The following UBE2E1 variants were observed in gnomAD, a reference collection of about 807,000 sequenced individuals.
The protein encoded by UBE2E1 is ubiquitin-conjugating enzyme E2 E1.
UBE2E1 carries 6 observed loss-of-function variants against 21.4 expected under a neutral mutation model. The ratio of observed to expected loss-of-function variants is 0.28; its 90% confidence interval spans 0.15 to 0.55. UBE2E1 has a LOEUF of 0.55. UBE2E1 is among the 20% of genes least tolerant of loss of function. UBE2E1 has a pLI of 0.93. For synonymous variants in UBE2E1, 87 were observed against 82.7 expected (o/e 1.05, Z -0.28); for missense variants, 142 against 236.5 (o/e 0.60, Z 2.62).
At chr3:23,879,043 G>T (rs536001545) in intron 3 of UBE2E1, 2 of 504,074 alleles carry the variant, frequency 4.0e-6, no homozygotes, top group African/African-American at 2.0e-5. Context: ...GATGAGCTCA[G>T]TTCACCCCTT....
At chr3:23,882,680 C>T (rs1701078080) in intron 3 of UBE2E1, among the ~76,000 whole-genome samples, 1 of 152,052 alleles carries the variant, frequency 6.6e-6, no homozygotes, top group African/African-American at 2.4e-5. Flanking sequence ...AGCCCTGCCC[C>T]ACGGGGAGGC....
In UBE2E1 at chr3:23,875,579, G is replaced by T. The variant is rs546719917; in HGVS notation, c.204-11988G>T. On this transcript the variant is annotated intron_variant, in intron 3 of 5. Transcript: ENST00000306627. ...GAAGTTTATCTACTTTATGCTAGAGGAAGACAGTAGGCACCATTTCCTCAG... is the reference window on the plus strand; with the variant it reads ...GAAGTTTATCTACTTTATGCTAGAGTAAGACAGTAGGCACCATTTCCTCAG... 3.2e-4 allele frequency among the ~76,000 whole-genome samples: 49 copies of T among 152,314 alleles called. 1 individual carries two copies. The South Asian group carries it at 6.8e-3, about 21-fold the overall frequency.
In UBE2E1 at chr3:23,887,614, T is replaced by C; in HGVS notation, c.251T>C (p.Leu84Pro). The stretch of plus-strand genomic sequence containing the variant: ...ATCTATGAATGGAGATCAACCATTC[T>C]AGGGCCTCCAGGATCCGTGTATGAG... The part of the protein sequence containing the change: ...DNIYEWRSTI[L>P]GPPGSVYEGG... Residue 84 changes from leucine (L) to proline (P), a missense_variant, in exon 4 of 6, where the codon CTA becomes CCA. By Grantham distance (98) the Leu-to-Pro change is moderately conservative (BLOSUM62 -3). Coordinates refer to ENST00000306627, the MANE Select transcript of UBE2E1 (RefSeq NM_003341.5). This position sits in a 1 kb window ranked among gnomAD's most constrained non-coding sequence, Gnocchi z 4.4. 1 of 1,614,056 alleles carries C rather than the reference T, an allele frequency of 6.2e-7. No individual in the cohort carries two copies.
intron 3 of UBE2E1, among the ~76,000 whole-genome samples, chr3:23,877,930 A>G (rs184974864): frequency 5.0e-4 from 76 of 152,264 alleles, no homozygotes; most frequent in Non-Finnish European, 8.1e-4. Context: ...GTTGATCCCA[A>G]GCCTCTGCCC....
rs556198749 is a variant in UBE2E1, at chr3:23,882,564, G to A, written c.204-5003G>A. ...CAACCCTTGGGCAGGCGATGGGACC[G>A]GGAGCCGCGGAGCAGGGGGTGGTCC... On this transcript the variant is annotated intron_variant, in intron 3 of 5. Coordinates refer to ENST00000306627, the MANE Select transcript of UBE2E1 (RefSeq NM_003341.5). 2.2e-4 allele frequency among the ~76,000 whole-genome samples: 34 copies of A among 152,370 alleles called. No individual in the cohort carries two copies. In the South Asian group the frequency reaches 4.1e-3, roughly 19 times the overall value.
intron 3 of UBE2E1, among the ~76,000 whole-genome samples, chr3:23,872,544 C>G (rs1445188617): frequency 6.6e-6 from 1 of 152,104 alleles, no homozygotes; most frequent in African/African-American, 2.4e-5. Flanking sequence ...GGTTTCAGGA[C>G]CCCATTACAC....
chr3:23,809,187 T>C (rs1699336952), intron 2 of UBE2E1, among the ~76,000 whole-genome samples: 1 of 152,240 alleles, frequency 6.6e-6, no homozygotes, highest in African/African-American at 2.4e-5. Flanking sequence ...GCAATGAATT[T>C]AGCTCCTTGA....
At chr3:23,866,828 C>T (rs893432912) in intron 3 of UBE2E1, among the ~76,000 whole-genome samples, 2 of 152,164 alleles carry the variant, frequency 1.3e-5, no homozygotes, top group Non-Finnish European at 2.9e-5. Flanking sequence ...CTTATTTAAT[C>T]CTGGCTTCCA....
rs546765163 is a variant in UBE2E1 at position 23,839,659 on chromosome 3, A to G, written c.203+28149A>G. On this transcript the variant is annotated intron_variant, in intron 3 of 5. Coordinates refer to ENST00000306627, the MANE Select transcript of UBE2E1 (RefSeq NM_003341.5). Reference sequence around the variant, plus strand: ...CTGGTGACAAATTCTTTGTTTTATTATGTCTGAAAAAAATCTTTGTCTTTT... The same window carrying G: ...CTGGTGACAAATTCTTTGTTTTATTGTGTCTGAAAAAAATCTTTGTCTTTT... 1.4e-4 allele frequency among the ~76,000 whole-genome samples: 21 copies of G among 151,598 alleles called. No homozygotes were observed. In the East Asian group the frequency reaches 3.1e-3, roughly 22 times the overall value.
intron 3 of UBE2E1, among the ~76,000 whole-genome samples, chr3:23,884,878 T>TA (rs1701142790): frequency 6.6e-6 from 1 of 152,216 alleles, no homozygotes; most frequent in Non-Finnish European, 1.5e-5. Context: ...ATAAACTAGA[T>TA]AAAAGAGCAT....
intron 3 of UBE2E1, among the ~76,000 whole-genome samples, chr3:23,862,262 C>T (rs1162638108): frequency 1.3e-5 from 2 of 152,222 alleles, no homozygotes; most frequent in Admixed American, 1.3e-4. Context: ...GCTCTGGTCT[C>T]ATTTAATCTT....
chr3:23,847,302 A>G (rs531586193), intron 3 of UBE2E1, among the ~76,000 whole-genome samples: 2 of 152,290 alleles, frequency 1.3e-5, no homozygotes, highest in African/African-American at 4.8e-5. Context: ...GAAGACATCC[A>G]TTAATGTCAT....
chr3:23,834,810 T>A (rs777426510), intron 3 of UBE2E1, among the ~76,000 whole-genome samples: 1 of 152,314 alleles, frequency 6.6e-6, no homozygotes, highest in Non-Finnish European at 1.5e-5. Flanking sequence ...TTGGCTGATG[T>A]TTTTTCTTAC....
chr3:23,817,279 G>A lies in UBE2E1; in HGVS notation c.203+5769G>A, dbSNP rs111444963. Among the ~76,000 whole-genome samples, 563 of 152,046 alleles carry A rather than the reference G, an allele frequency of 3.7e-3. 11 individuals carry two copies. In the East Asian group the frequency reaches 0.044, roughly 12 times the overall value. On this transcript the variant is annotated intron_variant, in intron 3 of 5. Transcript: ENST00000306627. ...CCAACTAAAAATACAAAAATTAGCC[G>A]GGCGTGGTGACGCGCGCCCGTAATC...
At chr3:23,843,155 G>C (rs776396225) in intron 3 of UBE2E1, among the ~76,000 whole-genome samples, 13 of 150,614 alleles carry the variant, frequency 8.6e-5, no homozygotes, top group South Asian at 2.1e-4. Flanking sequence ...GAAGCCATCT[G>C]TCCCCCCAGA....
At chr3:23,868,213 T>C (rs1316591259) in intron 3 of UBE2E1, among the ~76,000 whole-genome samples, 2 of 152,216 alleles carry the variant, frequency 1.3e-5, no homozygotes, top group Non-Finnish European at 2.9e-5. Flanking sequence ...CCAGACTTAG[T>C]ATCCCCCCCA....
At position 23,810,176 on chromosome 3, in the gene UBE2E1, C is replaced by G. The variant is rs550799523; in HGVS notation, c.153-1284C>G. Among the ~76,000 whole-genome samples, 5 of 152,086 alleles carry G rather than the reference C, an allele frequency of 3.3e-5. No homozygotes were observed. Among genetic ancestry groups the G allele is most frequent in the Non-Finnish European group, 7.4e-5 (5 of 68,024 alleles). On this transcript the variant is annotated intron_variant, in intron 2 of 5. Coordinates refer to ENST00000306627, the MANE Select transcript of UBE2E1 (RefSeq NM_003341.5). This position sits in a 1 kb window ranked among gnomAD's most constrained non-coding sequence, Gnocchi z 5.8. ...AATTTTTTTAACTACAGTGCTGCCT[C>G]GGTGAGATTTTTAAGTTGTAACATA...
intron 3 of UBE2E1, among the ~76,000 whole-genome samples, chr3:23,845,655 CA>C (rs1267996319): frequency 7.5e-6 from 1 of 133,556 alleles, no homozygotes; most frequent in African/African-American, 2.8e-5. Flanking sequence ...TCTTTTTAAA[CA>C]AAACCTCTCT....
rs78128181 is a variant in UBE2E1 at position 23,814,213 on chromosome 3, C to T, written c.203+2703C>T. On this transcript the variant is annotated intron_variant, in intron 3 of 5. Transcript: ENST00000306627. Reference sequence around the variant, plus strand: ...ATTGCTCCTCTTGAAGGAAGGTGCACTGTTTGTGTTCACTAATTTTGGCAC... The same window carrying T: ...ATTGCTCCTCTTGAAGGAAGGTGCATTGTTTGTGTTCACTAATTTTGGCAC... Among the ~76,000 whole-genome samples, 627 of 152,176 alleles carry T rather than the reference C, an allele frequency of 4.1e-3. 8 individuals are homozygous for T. Among genetic ancestry groups the T allele is most frequent in the African/African-American group, 0.015 (607 of 41,510 alleles).
Sources: gnomAD v4.1 joint callset for allele counts (sites outside exome capture counted in the v4.1 genomes callset) on GRCh38, gnomAD v4.1.1 for gene constraint, Gnocchi (gnomAD v3.1) non-coding constraint, MANE v1.5 for transcripts, NCBI Gene and HGNC (gene_info 2026-07-23, HGNC 2026-07-21) for gene names.